The following MINK1 variants were observed in gnomAD, a reference collection of about 807,000 sequenced individuals.
MINK1 encodes misshapen-like kinase 1.
A neutral mutation model predicts 178.4 loss-of-function variants in MINK1; 46 were observed. The observed-to-expected ratio is 0.26, with a 90% CI of 0.20 to 0.33. The LOEUF is 0.33. Ranked by LOEUF, MINK1 falls within the 10% of genes least tolerant of loss-of-function variation. The pLI, the probability that MINK1 is intolerant of heterozygous loss-of-function variation, is 1.00. For missense variants in MINK1, 1,366 were observed against 1,814.9 expected (o/e 0.75, Z 4.49); for synonymous variants, 797 against 709.7 (o/e 1.12, Z -1.96).
At chr17:4,839,597 T>C (rs1909868910) in intron 1 of MINK1, among the ~76,000 whole-genome samples, 1 of 152,334 alleles carries the variant, frequency 6.6e-6, no homozygotes, top group African/African-American at 2.4e-5. Context: ...CCAGTTCTTT[T>C]GCCATTCTCC....
chr17:4,896,514 G>A lies in MINK1; in HGVS notation c.3701G>A (p.Gly1234Asp). ...MEMLLCYEDE[G>D]VYVNTYGRII... ...ATGCTGCTGTGCTACGAGGACGAGG[G>A]TGTCTACGTCAACACGTACGGGCGC... Residue 1234 changes from glycine to aspartate, a missense_variant, in exon 30 of 32, where the codon GGT becomes GAT. Transcript: ENST00000355280. This position sits in a 1 kb window ranked among gnomAD's most constrained non-coding sequence, Gnocchi z 4.6. 6.2e-7 allele frequency: 1 copy of A among 1,613,938 alleles called. No individual in the cohort carries two copies. The highest frequency in any genetic ancestry group is 8.5e-7 in the Non-Finnish European group (1 of 1,179,864).
At chr17:4,849,624 G>A in intron 1 of MINK1, among the ~76,000 whole-genome samples, 1 of 152,148 alleles carries the variant, frequency 6.6e-6, no homozygotes, top group Admixed American at 6.5e-5. Flanking sequence ...CCAGGCTGGA[G>A]TGCAATGGTG....
In MINK1 at chr17:4,887,934, G is replaced by A. The variant is rs925081430; in HGVS notation, c.1230+144G>A. ...ACAATTATATGATTTCAAATTTCAT[G>A]ATGAGCTGGACTTAACACAAAATGT... On this transcript the variant is annotated intron_variant, in intron 12 of 31. Transcript: ENST00000355280. This position sits in a 1 kb window ranked among gnomAD's most constrained non-coding sequence, Gnocchi z 7.6. 1 of 725,100 alleles carries A rather than the reference G, an allele frequency of 1.4e-6. No individual in the cohort carries two copies. 44.9% of individuals were successfully genotyped at this position (725,100 alleles called of 1,614,324 possible).
At position 4,896,745 on chromosome 17, in the gene MINK1, C is replaced by T; in HGVS notation, c.3847C>T (p.His1283Tyr). ...TGAGATCCGCTCTGTGGAGACGGGC[C>T]ACCTCGACGGGGTCTTCATGCACAA... ...AIEIRSVETG[H>Y]LDGVFMHKRA... The change falls in exon 31 of 32, where the codon CAC becomes TAC. Residue 1283 changes from histidine (H) to tyrosine (Y), a missense_variant. By Grantham distance (83) the His-to-Tyr change is moderately conservative (BLOSUM62 2). Transcript: ENST00000355280. This position sits in a 1 kb window ranked among gnomAD's most constrained non-coding sequence, Gnocchi z 4.6. The T allele has an allele frequency of 6.2e-7, 1 of 1,602,436 alleles. No individual in the cohort carries two copies. The highest frequency in any genetic ancestry group is 8.5e-7 in the Non-Finnish European group (1 of 1,173,534).
At chr17:4,890,441 G>C in intron 13 of MINK1, 76 bp from the exon 14 acceptor site, 1 of 1,513,374 alleles carries the variant, frequency 6.6e-7, no homozygotes. Context: ...GGCAGTTGGA[G>C]AAAAGAGAGG....
chr17:4,867,156 T>G (rs1297690294), intron 1 of MINK1, among the ~76,000 whole-genome samples: 3 of 141,212 alleles, frequency 2.1e-5, no homozygotes, highest in East Asian at 4.0e-4. Context: ...TTTTTTTTTT[T>G]TTTTTTTTTA....
chr17:4,891,222 A>ACC, intron 15 of MINK1, 98 bp downstream of exon 15: 1 of 1,018,938 alleles, frequency 9.8e-7, no homozygotes, highest in Non-Finnish European at 1.4e-6. Flanking sequence ...ACACACACAC[A>ACC]CACCTGCTCA....
Position 4,889,768 on chromosome 17 carries a change from A to C in MINK1, c.1347+5A>C. 6.5e-7 allele frequency: 1 copy of C among 1,528,758 alleles called. No individual in the cohort carries two copies. Among genetic ancestry groups the C allele is most frequent in the Non-Finnish European group, 8.8e-7 (1 of 1,140,716 alleles). 94.7% of individuals were successfully genotyped at this position (1,528,758 alleles called of 1,614,324 possible). On this transcript the variant is annotated splice_donor_5th_base_variant and intron_variant, in intron 13 of 31. Coordinates refer to ENST00000355280, the MANE Select transcript of MINK1 (RefSeq NM_153827.5). ...CGGCAGGCGGAGCGCGAGCAGGTAG[A>C]GCGCCGCACCCGCATCCCTGCCCTC... is the stretch of plus-strand genomic sequence containing the variant.
intron 2 of MINK1, among the ~76,000 whole-genome samples, chr17:4,878,617 C>A (rs543876215): frequency 3.1e-4 from 47 of 152,314 alleles, no homozygotes; most frequent in Non-Finnish European, 6.2e-4. Context: ...AACAGGCCAG[C>A]AGCCAGGCAG....
intron 4 of MINK1, 30 bp downstream of exon 4, chr17:4,881,287 T>TCCCCGCG: frequency 6.5e-7 from 1 of 1,532,980 alleles, no homozygotes; most frequent in Non-Finnish European, 8.7e-7. Flanking sequence ...CCGCCTTCCC[T>TCCCCGCG]CCCCGCAATC....
At chr17:4,883,416 G>A (rs1967895874) in intron 4 of MINK1, 1 of 151,228 alleles carries the variant, frequency 6.6e-6, no homozygotes. Context: ...ATGTTAGCCA[G>A]GATGGTCTCG....
In MINK1 at chr17:4,890,620, A is replaced by G. The variant is rs2151038826; in HGVS notation, c.1451A>G (p.Gln484Arg). The part of the protein sequence containing the change: ...AYLKSLQQQQ[Q>R]QQQLQKQQQQ... The stretch of plus-strand genomic sequence containing the variant: ...CTCAAGTCCCTGCAGCAGCAGCAAC[A>G]GCAGCAGCAGCTTCAGAAACAGCAG... Residue 484 changes from glutamine to arginine, a missense_variant, in exon 14 of 32, where the codon CAG becomes CGG. By Grantham distance (43) the Gln-to-Arg change is conservative (BLOSUM62 1). Around this residue, in one of 14 missense-constraint regions of MINK1, gnomAD observed 11 missense variants for 28.5 expected, o/e 0.39. Transcript: ENST00000355280. 6.4e-7 allele frequency: 1 copy of G among 1,556,972 alleles called. No homozygotes were observed. The highest frequency in any genetic ancestry group is 2.4e-5 in the East Asian group (1 of 41,342).
At position 4,889,283 on chromosome 17, in the gene MINK1, G is replaced by A. The variant is rs541653877; in HGVS notation, c.1231-364G>A. ...TGGCCAAAGGCTATCACTACGACCCGCTCTATATGGACTTCAGGCAAAGGT... is the reference window on the plus strand; with the variant it reads ...TGGCCAAAGGCTATCACTACGACCCACTCTATATGGACTTCAGGCAAAGGT... On this transcript the variant is annotated intron_variant, in intron 12 of 31. Transcript: ENST00000355280. Among the ~76,000 whole-genome samples, 25 of 152,250 alleles carry A rather than the reference G, an allele frequency of 1.6e-4. No homozygotes were observed. In the South Asian group the frequency reaches 5.2e-3, roughly 32 times the overall value.
At chr17:4,892,342 A>G in intron 17 of MINK1, 60 bp from the exon 18 acceptor site, 1 of 1,451,990 alleles carries the variant, frequency 6.9e-7, no homozygotes, top group Non-Finnish European at 9.4e-7. Flanking sequence ...GGAAAGCCCC[A>G]GCCCCATCAC....
At chr17:4,859,187 C>A in intron 1 of MINK1, 1 of 985,454 alleles carries the variant, frequency 1.0e-6, no homozygotes, top group Non-Finnish European at 1.2e-6. Flanking sequence ...GTGCTTCTTT[C>A]CCAAGGACTT....
At chr17:4,834,221 C>T (rs894139859) in intron 1 of MINK1, among the ~76,000 whole-genome samples, 2 of 152,192 alleles carry the variant, frequency 1.3e-5, no homozygotes, top group East Asian at 1.9e-4. Flanking sequence ...TCCCTTCTCT[C>T]CTGTTTCAAG....
intron 20 of MINK1, 85 bp downstream of exon 20, chr17:4,893,152 C>T: frequency 6.6e-7 from 1 of 1,508,440 alleles, no homozygotes; most frequent in Non-Finnish European, 9.0e-7. Context: ...GGTGGGGTCT[C>T]CGCTGATCTA....
Position 4,887,446 on chromosome 17 carries a change from C to T in MINK1, c.1020-134C>T, listed in dbSNP as rs1235179604. 2.3e-6 allele frequency: 2 copies of T among 865,304 alleles called. No homozygotes were observed. The highest frequency in any genetic ancestry group is 3.5e-6 in the Non-Finnish European group (2 of 567,498). The allele number at this position is 865,304 out of a possible 1,614,324, so 53.6% of individuals were successfully genotyped here. A position where few individuals can be genotyped will look rare whatever the true frequency, so the allele number is the denominator to read the frequency against. On this transcript the variant is annotated intron_variant, in intron 11 of 31. Transcript: ENST00000355280. The surrounding 1 kb of genome is among the most constrained non-coding windows in gnomAD (Gnocchi z 7.6). ...CTGGGCAGAAGGGGACGGTAAGTCT[C>T]CTGGCCACCTGGGAGTGGCCAGAGG...
chr17:4,835,425 G>A (rs971306207), intron 1 of MINK1, among the ~76,000 whole-genome samples: 1 of 152,114 alleles, frequency 6.6e-6, no homozygotes, highest in Admixed American at 6.5e-5. Context: ...TCAGGAGTTC[G>A]GGACCAGCCT....
Sources: gnomAD v4.1 joint callset for allele counts (sites outside exome capture counted in the v4.1 genomes callset) on GRCh38, gnomAD v4.1.1 for gene constraint, gnomAD v4.1.1 regional missense constraint, Gnocchi (gnomAD v3.1) non-coding constraint, MANE v1.5 for transcripts, NCBI Gene and HGNC (gene_info 2026-07-23, HGNC 2026-07-21) for gene names.